The following DEFB1 variants were observed in gnomAD, a reference collection of about 807,000 sequenced individuals.
The protein encoded by DEFB1 is beta-defensin 1.
In DEFB1, 4 loss-of-function variants were observed where a neutral mutation model predicts 2.6. The observed-to-expected ratio is 1.53, with a 90% CI of 0.76 to 3.51. The LOEUF is 3.51. DEFB1 is among the 30% of genes most tolerant of loss of function. The probability of loss-of-function intolerance (pLI) is 0.01; values close to 1 mark genes in which losing one functional copy is unlikely to be tolerated. For synonymous variants in DEFB1, 56 were observed against 28.5 expected, an observed-to-expected ratio of 1.96 and a Z score of -3.07; for missense variants, 162 against 76.9, an observed-to-expected ratio of 2.11 and a Z score of -4.14.
chr8:6,874,967 G>A (rs992920926), intron 1 of DEFB1, among the ~76,000 whole-genome samples: 1 of 135,452 alleles, frequency 7.4e-6, no homozygotes, highest in African/African-American at 2.8e-5. Context: ...GGGTGACAGA[G>A]CGAGACTCAG....
chr8:6,874,660 G>C (rs1048363165), intron 1 of DEFB1, among the ~76,000 whole-genome samples: 1 of 152,162 alleles, frequency 6.6e-6, no homozygotes, highest in Non-Finnish European at 1.5e-5. Flanking sequence ...TGGCTCAGCA[G>C]AACAGTGGGG....
chr8:6,877,923 G>T lies in DEFB1; in HGVS notation c.-66C>A. On this transcript the variant is annotated 5_prime_UTR_variant, in exon 1 of 2. Transcript: ENST00000297439. ...AGACGCTGGCTCCTTTGGAGGCTGA[G>T]CTGACAGAGGCTTCCAGAGGCTGGA... The T allele has an allele frequency of 7.0e-7, 1 of 1,420,912 alleles. No individual in the cohort carries two copies. The highest frequency in any genetic ancestry group is 1.0e-6 in the Non-Finnish European group (1 of 1,004,886). 88.0% of individuals were successfully genotyped at this position (1,420,912 alleles called of 1,614,324 possible). A position where few individuals can be genotyped will look rare whatever the true frequency, so the allele number is the denominator to read the frequency against.
At chr8:6,876,219 G>A (rs1402874351) in intron 1 of DEFB1, among the ~76,000 whole-genome samples, 5 of 152,172 alleles carry the variant, frequency 3.3e-5, no homozygotes, top group Admixed American at 3.3e-4. Flanking sequence ...GCTCATGGCT[G>A]TAATCCCAGC....
In DEFB1 at chr8:6,870,624, G is replaced by A; in HGVS notation, c.*57C>T. The A allele has an allele frequency of 6.3e-7, 1 of 1,577,452 alleles. No homozygotes were observed. Among genetic ancestry groups the A allele is most frequent in the East Asian group, 2.2e-5 (1 of 44,574 alleles). ...CAAAAGCAATTTTCCTTTATTAAAA[G>A]AATGCTTATAAAAAGTTCATTTCAC... On this transcript the variant is annotated 3_prime_UTR_variant, in exon 2 of 2. Transcript: ENST00000297439.
chr8:6,877,764 G>C (rs763808448), intron 1 of DEFB1, 33 bp downstream of exon 1: 2 of 1,597,032 alleles, frequency 1.3e-6, no homozygotes, highest in Non-Finnish European at 1.7e-6. Flanking sequence ...CCAGCCCTGG[G>C]GATGGGAAAC....
intron 1 of DEFB1, among the ~76,000 whole-genome samples, chr8:6,877,140 G>A (rs962702196): frequency 6.6e-6 from 1 of 152,180 alleles, no homozygotes; most frequent in African/African-American, 2.4e-5. Flanking sequence ...ATAGGGCTGG[G>A]ATAAAACATG....
chr8:6,874,118 T>TACACACACACACAC (rs756827017), intron 1 of DEFB1, among the ~76,000 whole-genome samples: 2 of 120,232 alleles, frequency 1.7e-5, no homozygotes, highest in African/African-American at 6.7e-5. Flanking sequence ...ATATCTGACA[T>TACACACACACACAC]ACACACACAC....
chr8:6,875,657 T>C (rs1022178751), intron 1 of DEFB1, among the ~76,000 whole-genome samples: 1 of 152,222 alleles, frequency 6.6e-6, no homozygotes, highest in Admixed American at 6.5e-5. Flanking sequence ...TCTTATTCAC[T>C]GCTTGTGGGA....
intron 1 of DEFB1, among the ~76,000 whole-genome samples, chr8:6,872,754 G>T (rs530968430): frequency 3.9e-5 from 6 of 152,276 alleles, no homozygotes; most frequent in Non-Finnish European, 8.8e-5. Context: ...GATTCCTAAT[G>T]AGGCTGTCTG....
chr8:6,870,751 T>C lies in DEFB1; in HGVS notation c.137A>G (p.Tyr46Cys), dbSNP rs774661441. 3.1e-6 allele frequency: 5 copies of C among 1,614,242 alleles called. No individual in the cohort carries two copies. The Admixed American group carries it at 5.0e-5, about 16-fold the overall frequency. ...NCVSSGGQCL[Y>C]SACPIFTKIQ... ...TTTGGTAAAGATCGGGCAGGCAGAA[T>C]AGAGACATTGCCCTCCACTGCTGAC... Residue 46 changes from tyrosine to cysteine, a missense_variant, in exon 2 of 2, where the codon TAT (tyrosine) becomes TGT (cysteine). By Grantham distance (194) the Tyr-to-Cys change is radical (BLOSUM62 -2). Transcript: ENST00000297439.
Position 6,870,839 on chromosome 8 carries a change from A to G in DEFB1, c.62-13T>C. 6.2e-7 allele frequency: 1 copy of G among 1,607,350 alleles called. No individual in the cohort carries two copies. Among genetic ancestry groups the G allele is most frequent in the South Asian group, 1.1e-5 (1 of 89,800 alleles). On this transcript the variant is annotated splice_polypyrimidine_tract_variant and intron_variant, in intron 1 of 1. Transcript: ENST00000297439. ...AGAAAGTTACCACCTGTAAGGAGGG[A>G]ACACAAACACTTCAGACTCATGGCT...
Sources: gnomAD v4.1 joint callset for allele counts (sites outside exome capture counted in the v4.1 genomes callset) on GRCh38, gnomAD v4.1.1 for gene constraint, MANE v1.5 for transcripts, NCBI Gene and HGNC (gene_info 2026-07-23, HGNC 2026-07-21) for gene names.